Variants in JDP2 observed in about 807,000 individuals in gnomAD.
The protein encoded by JDP2 is Jun dimerization protein 2.
Under a neutral mutation model 17.1 loss-of-function variants are expected in JDP2, and 9 were observed. The observed-to-expected ratio is 0.53, with a 90% confidence interval of 0.32 to 0.92. JDP2 has a LOEUF of 0.92. Among genes scored for constraint, JDP2 ranks in the 40% least tolerant of loss-of-function variants. The probability of loss-of-function intolerance (pLI) is 0.04; values close to 1 mark genes in which losing one functional copy is unlikely to be tolerated. For missense variants in JDP2, 179 were observed against 220.0 expected (o/e 0.81, Z 1.18); for synonymous variants, 107 against 95.6 (o/e 1.12, Z -0.69).
At chr14:75,443,887 C>T (rs1357269886) in intron 2 of JDP2, among the ~76,000 whole-genome samples, 1 of 147,500 alleles carries the variant, frequency 6.8e-6, no homozygotes, top group East Asian at 2.0e-4. Flanking sequence ...ATAATAATAC[C>T]TACCTCTTAG....
chr14:75,444,852 T>G lies in JDP2; in HGVS notation c.201+6731T>G, dbSNP rs138128112. 7.2e-4 allele frequency among the ~76,000 whole-genome samples: 110 copies of G among 152,340 alleles called. 1 individual carries two copies. Among genetic ancestry groups the G allele is most frequent in the African/African-American group, 2.5e-3 (102 of 41,570 alleles). ...TCAGGGAAGCAAGCAGACTTTCCAGTTTCTGGTTGTTTATGCAGTTTAGAC... is the reference window on the plus strand; with the variant it reads ...TCAGGGAAGCAAGCAGACTTTCCAGGTTCTGGTTGTTTATGCAGTTTAGAC... On this transcript the variant is annotated intron_variant, in intron 2 of 3. Coordinates refer to ENST00000651602, the MANE Select transcript of JDP2 (RefSeq NM_001135048.2).
At chr14:75,467,921 G>A (rs80237079) in intron 3 of JDP2, among the ~76,000 whole-genome samples, 1,571 of 152,194 alleles carry the variant, frequency 0.01, 24 homozygotes, top group East Asian at 0.041. Context: ...AGGCCTGCCC[G>A]TCTCAGAGTT....
intron 2 of JDP2, among the ~76,000 whole-genome samples, chr14:75,451,875 G>A (rs1256605170): frequency 6.6e-6 from 1 of 152,212 alleles, no homozygotes; most frequent in Non-Finnish European, 1.5e-5. Context: ...TAGCCTTGGT[G>A]CTTCCAAGAG....
chr14:75,462,109 GC>G (rs1886372119), intron 3 of JDP2, among the ~76,000 whole-genome samples: 1 of 152,218 alleles, frequency 6.6e-6, no homozygotes, highest in South Asian at 2.1e-4. Flanking sequence ...GTAGAGGTCA[GC>G]CAGGGGTTGC....
Position 75,469,566 on chromosome 14 carries a change from T to C in JDP2, c.*91T>C. ...AGGGGGGCCCCAGATGGCCCTTCCT[T>C]TGGTGCATGAAAAACTGTACAATGA... On this transcript the variant is annotated 3_prime_UTR_variant, in exon 4 of 4. Transcript: ENST00000651602. The C allele has an allele frequency of 3.5e-6, 4 of 1,140,450 alleles. No homozygotes were observed. The highest frequency in any genetic ancestry group is 3.7e-6 in the Non-Finnish European group (3 of 801,926). The allele number at this position is 1,140,450 out of a possible 1,614,324, so 70.6% of individuals were successfully genotyped here.
intron 1 of JDP2, among the ~76,000 whole-genome samples, chr14:75,434,722 C>G (rs912509163): frequency 2.0e-5 from 3 of 152,068 alleles, no homozygotes; most frequent in Non-Finnish European, 4.4e-5. Context: ...GCTTCCATCT[C>G]CCAGAGATGG....
intron 2 of JDP2, among the ~76,000 whole-genome samples, chr14:75,453,087 C>T (rs1243173776): frequency 1.3e-5 from 2 of 151,706 alleles, no homozygotes; most frequent in Non-Finnish European, 2.9e-5. Context: ...TTCCTCCCTC[C>T]TGGAGTGGGA....
intron 1 of JDP2, among the ~76,000 whole-genome samples, chr14:75,436,486 G>A (rs1011157412): frequency 7.2e-5 from 11 of 152,206 alleles, no homozygotes; most frequent in Admixed American, 6.5e-5. Context: ...TATGGCCCTG[G>A]GCAGAAAGGT....
chr14:75,460,279 G>A (rs933915175), intron 2 of JDP2, among the ~76,000 whole-genome samples: 4 of 150,580 alleles, frequency 2.7e-5, no homozygotes, highest in Non-Finnish European at 5.9e-5. Context: ...CCCCTTGCTT[G>A]TTCCCCAGGG....
intron 1 of JDP2, among the ~76,000 whole-genome samples, chr14:75,437,172 CAAAAA>C (rs11302124): frequency 4.1e-5 from 4 of 97,990 alleles, no homozygotes; most frequent in Admixed American, 1.1e-4. Flanking sequence ...CCAGCCTGGG[CAAAAA>C]AAAAAAAAAA....
rs746286589 is a variant in JDP2 at position 75,430,565 on chromosome 14, T to C, written c.-24+2313T>C. Reference sequence around the variant, plus strand: ...TTCCATTTTCCTTTAATTAAGGCTCTGTGGAGGTGTGTTTGAAAACAGAGG... The same window carrying C: ...TTCCATTTTCCTTTAATTAAGGCTCCGTGGAGGTGTGTTTGAAAACAGAGG... On this transcript the variant is annotated intron_variant, in intron 1 of 3. Coordinates refer to ENST00000651602, the MANE Select transcript of JDP2 (RefSeq NM_001135048.2). This position sits in a 1 kb window ranked among gnomAD's most constrained non-coding sequence, Gnocchi z 4.5. Among the ~76,000 whole-genome samples, 19 of 152,156 alleles carry C rather than the reference T, an allele frequency of 1.2e-4. No individual in the cohort carries two copies. Among genetic ancestry groups the C allele is most frequent in the Non-Finnish European group, 2.4e-4 (16 of 68,030 alleles).
chr14:75,461,582 T>G, intron 3 of JDP2, 52 bp downstream of exon 3: 3 of 1,378,282 alleles, frequency 2.2e-6, no homozygotes, highest in South Asian at 1.2e-5. Flanking sequence ...AGTGAGCTTG[T>G]GTACTCTGGA....
At chr14:75,440,946 C>T (rs1246619263) in intron 2 of JDP2, among the ~76,000 whole-genome samples, 2 of 152,244 alleles carry the variant, frequency 1.3e-5, no homozygotes, top group African/African-American at 4.8e-5. Context: ...CAAGCTTTAA[C>T]CACATGCCGT....
At chr14:75,444,652 A>C (rs1248398088) in intron 2 of JDP2, among the ~76,000 whole-genome samples, 2 of 152,218 alleles carry the variant, frequency 1.3e-5, no homozygotes, top group African/African-American at 4.8e-5. Context: ...CTGGATCCAC[A>C]TCCTCATCAC....
intron 2 of JDP2, among the ~76,000 whole-genome samples, chr14:75,457,306 A>G (rs935917551): frequency 6.6e-6 from 1 of 152,252 alleles, no homozygotes; most frequent in Non-Finnish European, 1.5e-5. Flanking sequence ...AGGAGGAGGC[A>G]GCAGCCCTGA....
intron 1 of JDP2, among the ~76,000 whole-genome samples, chr14:75,434,951 T>C (rs968787783): frequency 7.9e-5 from 12 of 152,230 alleles, no homozygotes; most frequent in African/African-American, 2.7e-4. Flanking sequence ...CAAGTATTAT[T>C]GATGATGCTT....
At chr14:75,435,181 C>T (rs1594945998) in intron 1 of JDP2, among the ~76,000 whole-genome samples, 2 of 152,326 alleles carry the variant, frequency 1.3e-5, no homozygotes, top group East Asian at 1.9e-4. Flanking sequence ...GGCCCTGGAG[C>T]GGCCTCCTAG....
chr14:75,432,260 G>A (rs1884840018), intron 1 of JDP2: 1 of 1,505,864 alleles, frequency 6.6e-7, no homozygotes, highest in Non-Finnish European at 9.0e-7. Flanking sequence ...CAGATTCCAA[G>A]AGAGAGGTCA....
upstream of JDP2, chr14:75,427,657 G>T: frequency 6.5e-6 from 1 of 153,864 alleles, no homozygotes; most frequent in Non-Finnish European, 1.4e-5. The surrounding 1 kb of genome is among the most constrained non-coding windows in gnomAD (Gnocchi z 4.4). Context: ...CTGCTGCCTG[G>T]CGGGCACAAG....
Sources: gnomAD v4.1 joint callset for allele counts (sites outside exome capture counted in the v4.1 genomes callset) on GRCh38, gnomAD v4.1.1 for gene constraint, Gnocchi (gnomAD v3.1) non-coding constraint, MANE v1.5 for transcripts, NCBI Gene and HGNC (gene_info 2026-07-23, HGNC 2026-07-21) for gene names.